Variants in SNAPC4 observed in about 807,000 individuals in gnomAD.
The protein encoded by SNAPC4 is small nuclear RNA activating complex polypeptide 4, also known as snRNA-activating protein complex subunit 4.
Under a neutral mutation model 151.3 loss-of-function variants are expected in SNAPC4, and 127 were observed. That is an observed-to-expected ratio of 0.84 (90% CI 0.73 to 0.97). The LOEUF (loss-of-function observed/expected upper bound fraction) is 0.97. SNAPC4 is among the 50% of genes least tolerant of loss of function. The pLI, the probability that SNAPC4 is intolerant of heterozygous loss-of-function variation, is 0.00. For missense variants in SNAPC4, 2,186 were observed against 1,935.0 expected, an observed-to-expected ratio of 1.13 and a Z score of -2.43; for synonymous variants, 1,002 against 824.4, an observed-to-expected ratio of 1.22 and a Z score of -3.69.
At chr9:136,389,584 T>G (rs536834643) in intron 10 of SNAPC4, among the ~76,000 whole-genome samples, 179 of 152,294 alleles carry the variant, frequency 1.2e-3, no homozygotes, top group Non-Finnish European at 2.3e-3. Flanking sequence ...TCAACGTGTG[T>G]GAGCCTCGCC....
At chr9:136,392,431 G>GGT (rs1256135300) in intron 9 of SNAPC4, 91 bp downstream of exon 9, 4 of 1,243,944 alleles carry the variant, frequency 3.2e-6, no homozygotes, top group East Asian at 2.3e-5. Context: ...TGCCAGGGAG[G>GGT]GTGTGGCCTT....
chr9:136,395,820 C>T (rs1834249890), intron 3 of SNAPC4, 50 bp from the exon 4 acceptor site: 4 of 1,557,158 alleles, frequency 2.6e-6, no homozygotes, highest in Non-Finnish European at 3.5e-6. Flanking sequence ...GTGGATGCTC[C>T]CCTGTCCTCG....
intron 18 of SNAPC4, 68 bp from the exon 19 acceptor site, chr9:136,381,460 G>A: frequency 7.2e-7 from 1 of 1,391,004 alleles, no homozygotes; most frequent in Non-Finnish European, 1.0e-6. Context: ...TGGGTGGAAA[G>A]CAGCCCCAGC....
In SNAPC4 at chr9:136,394,828, C is replaced by T. The variant is rs1289118816; in HGVS notation, c.522G>A (p.Lys174=). 2 of 1,613,954 alleles carry T rather than the reference C, an allele frequency of 1.2e-6. No homozygotes were observed. The highest frequency in any genetic ancestry group is 8.5e-7 in the Non-Finnish European group (1 of 1,179,996). The change falls in exon 6 of 24, where the codon AAG becomes AAA. Residue 174 remains lysine, a synonymous_variant. Transcript: ENST00000684778. ...TGGTCACAAGGAGCTCCTCGAAAGC[C>T]TTGATCCCCTGGGCAGCCTTCTCTC... is the stretch of plus-strand genomic sequence containing the variant. ...DTREKAAQGI[K]AFEELLVTKW... is the part of the protein sequence containing the mutation.
At position 136,380,682 on chromosome 9, in the gene SNAPC4, A is replaced by T. The variant is rs1833654863; in HGVS notation, c.2499+58T>A. The T allele has an allele frequency of 6.0e-6, 6 of 1,001,334 alleles. No homozygotes were observed. The Admixed American group carries it at 9.4e-5, about 16-fold the overall frequency. The allele number at this position is 1,001,334 out of a possible 1,614,324, so 62.0% of individuals were successfully genotyped here. The stretch of plus-strand genomic sequence containing the variant: ...GGGCAGCCAGCCTCCGTGGAAACCC[A>T]CTCCAACGCCGGGGCGGGCAGTGGC... On this transcript the variant is annotated intron_variant, in intron 20 of 23. Transcript: ENST00000684778.
chr9:136,395,214 G>A (rs79075045), intron 5 of SNAPC4, 84 bp downstream of exon 5: 27 of 1,513,430 alleles, frequency 1.8e-5, no homozygotes, highest in Non-Finnish European at 2.1e-5. Context: ...AGGAATTCAC[G>A]ACTCCCTGCA....
chr9:136,381,241 T>C (rs1833679317), intron 19 of SNAPC4, 81 bp downstream of exon 19: 6 of 1,083,578 alleles, frequency 5.5e-6, no homozygotes, highest in South Asian at 1.3e-5. Flanking sequence ...CTTTAAGGAA[T>C]GAATCTACTG....
chr9:136,394,379 G>A (rs1433342640), intron 6 of SNAPC4, 49 bp from the exon 7 acceptor site: 6 of 1,519,560 alleles, frequency 3.9e-6, no homozygotes, highest in Middle Eastern at 1.8e-4. Context: ...TCCTCTCCAC[G>A]GCCCAGCCCC....
chr9:136,384,643 G>T, intron 14 of SNAPC4, 77 bp downstream of exon 14: 1 of 778,576 alleles, frequency 1.3e-6, no homozygotes, highest in Non-Finnish European at 2.1e-6. Context: ...AGCTTGCTCT[G>T]TCTTTATCTT....
chr9:136,398,598 A>T, intron 1 of SNAPC4, 161 bp from the exon 2 acceptor site: 1 of 757,464 alleles, frequency 1.3e-6, no homozygotes, highest in East Asian at 2.6e-5. Context: ...GAATCGGGGA[A>T]CCCTGGGACA....
chr9:136,383,917 G>T lies in SNAPC4; in HGVS notation c.1500+36C>A. ...GGACCCCCCAGTTGACCAGGCCATT[G>T]TCTGGTTTCAGATAAAGAAGGAGCG... is the stretch of plus-strand genomic sequence containing the variant. On this transcript the variant is annotated intron_variant, in intron 15 of 23. Transcript: ENST00000684778. This position sits in a 1 kb window ranked among gnomAD's most constrained non-coding sequence, Gnocchi z 4.2. The T allele has an allele frequency of 6.4e-7, 1 of 1,550,970 alleles. No individual in the cohort carries two copies. Among genetic ancestry groups the T allele is most frequent in the Non-Finnish European group, 8.9e-7 (1 of 1,123,312 alleles).
At chr9:136,395,068 A>G (rs927552476) in intron 5 of SNAPC4, among the ~76,000 whole-genome samples, 190 bp from the exon 6 acceptor site, 1 of 152,196 alleles carries the variant, frequency 6.6e-6, no homozygotes, top group Non-Finnish European at 1.5e-5. Context: ...TCGCACAGAC[A>G]ACACTGGCAC....
At position 136,392,503 on chromosome 9, in the gene SNAPC4, A is replaced by C. The variant is rs760567297; in HGVS notation, c.810+19T>G. ...CTGTGCTCCAAGCTGCTTGGGGCTC[A>C]GACCTGCCCCTGACTTACGTTAATA... On this transcript the variant is annotated intron_variant, in intron 9 of 23. Coordinates refer to ENST00000684778, the MANE Select transcript of SNAPC4 (RefSeq NM_003086.4). The C allele has an allele frequency of 3.1e-6, 5 of 1,612,126 alleles. No homozygotes were observed. In the Admixed American group the frequency reaches 5.0e-5, roughly 16 times the overall value.
Position 136,383,983 on chromosome 9 carries a change from C to G in SNAPC4, c.1470G>C (p.Gln490His). 1.2e-6 allele frequency: 2 copies of G among 1,613,876 alleles called. No individual in the cohort carries two copies. The highest frequency in any genetic ancestry group is 1.7e-6 in the Non-Finnish European group (2 of 1,179,996). The change falls in exon 15 of 24, where the codon CAG becomes CAC. Residue 490 changes from glutamine to histidine, a missense_variant. Transcript: ENST00000684778. This position sits in a 1 kb window ranked among gnomAD's most constrained non-coding sequence, Gnocchi z 4.2. ...ASELPHRSGS[Q>H]CLSKWKIMMG... ...TCATGATCTTCCACTTGCTCAGACACTGGGAGCCAGACCGATGGGGCAGCT... is the reference window on the plus strand; with the variant it reads ...TCATGATCTTCCACTTGCTCAGACAGTGGGAGCCAGACCGATGGGGCAGCT...
In SNAPC4 at chr9:136,395,356, G is replaced by C; in HGVS notation, c.413C>G (p.Pro138Arg). Residue 138 changes from proline (P) to arginine (R), a missense_variant, in exon 5 of 24, where the codon CCA (proline) becomes CGA (arginine). By Grantham distance (103) the Pro-to-Arg change is moderately radical (BLOSUM62 -2). Transcript: ENST00000684778. ...CATGAAGTGCCCCATGTATGTGCTT[G>C]GGGGCAGGCTTTTGCCATCTTTCAC... ...TKVKDGKSLP[P>R]STYMGHFMKP... 6.2e-7 allele frequency: 1 copy of C among 1,613,618 alleles called. No individual in the cohort carries two copies. The highest frequency in any genetic ancestry group is 1.1e-5 in the South Asian group (1 of 91,076).
rs1309096264 is a variant in SNAPC4 at position 136,378,169 on chromosome 9, C to T, written c.3658G>A (p.Gly1220Arg). ...GGVIPATEPR[G>R]TPGSPSGTQE... ...GTCCCTGAGGGGGACCCCGGCGTCCCCCTTGGCTCAGTTGCTGGGATGACA... is the reference window on the plus strand; with the variant it reads ...GTCCCTGAGGGGGACCCCGGCGTCCTCCTTGGCTCAGTTGCTGGGATGACA... The change falls in exon 22 of 24, where the codon GGG (glycine) becomes AGG (arginine). Residue 1220 changes from glycine (G) to arginine (R), a missense_variant. Physicochemically the swap from Gly to Arg is moderately radical, Grantham distance 125 (BLOSUM62 -2). Transcript: ENST00000684778. 2 of 1,611,496 alleles carry T rather than the reference C, an allele frequency of 1.2e-6. No homozygotes were observed. The highest frequency in any genetic ancestry group is 2.2e-5 in the East Asian group (1 of 44,822).
chr9:136,381,446 G>C, intron 18 of SNAPC4, 54 bp from the exon 19 acceptor site: 1 of 1,491,522 alleles, frequency 6.7e-7, no homozygotes, highest in Middle Eastern at 1.7e-4. Flanking sequence ...TGGGCACAGG[G>C]GGATGGGTGG....
rs1426450874 is a variant in SNAPC4, at chr9:136,383,361, C to T, written c.1808G>A (p.Gly603Glu). The T allele has an allele frequency of 1.2e-6, 2 of 1,606,146 alleles. No individual in the cohort carries two copies. Among genetic ancestry groups the T allele is most frequent in the Non-Finnish European group, 1.7e-6 (2 of 1,176,910 alleles). The change falls in exon 16 of 24, where the codon GGG (glycine) becomes GAG (glutamate). Residue 603 changes from glycine to glutamate, a missense_variant. Gly to Glu is a moderately conservative substitution (Grantham distance 98). Transcript: ENST00000684778. This position sits in a 1 kb window ranked among gnomAD's most constrained non-coding sequence, Gnocchi z 4.2. ...GCTGCCGCCCTGGCTGGCACTGGAC[C>T]CCTTGGGAGGGCTGAGGGAGGCAGC... ...GPAASLSPPK[G>E]SSASQGGSKE... is the part of the protein sequence containing the mutation.
At chr9:136,398,184 A>G (rs142334530) in intron 2 of SNAPC4, 115 bp downstream of exon 2, 1 of 1,097,144 alleles carries the variant, frequency 9.1e-7, no homozygotes, top group African/African-American at 1.6e-5. Flanking sequence ...CTGGGTTTAC[A>G]GGCCTGAGAA....
Sources: allele counts gnomAD v4.1 joint callset (sites outside exome capture counted in the v4.1 genomes callset), GRCh38; gene constraint gnomAD v4.1.1; non-coding constraint Gnocchi (gnomAD v3.1); transcripts MANE v1.5; gene names NCBI Gene and HGNC (gene_info 2026-07-23, HGNC 2026-07-21).